Variants in RALGAPB observed in about 807,000 individuals in gnomAD.
RALGAPB encodes Ral GTPase activating protein non-catalytic subunit beta.
Under a neutral mutation model 161.1 loss-of-function variants are expected in RALGAPB, and 25 were observed. The observed-to-expected ratio is 0.16, with a 90% CI of 0.11 to 0.22. The LOEUF (loss-of-function observed/expected upper bound fraction) is 0.22, where lower values mean the gene tolerates loss of function less well. RALGAPB is among the 10% of genes least tolerant of loss of function. The pLI, the probability that RALGAPB is intolerant of heterozygous loss-of-function variation, is 1.00. For missense variants in RALGAPB, 1,391 were observed against 1,815.2 expected (o/e 0.77, Z 4.25); for synonymous variants, 629 against 626.1 (o/e 1.00, Z -0.07).
In RALGAPB at chr20:38,481,520, G is replaced by A. The variant is rs546794265; in HGVS notation, c.-30-6883G>A. Among the ~76,000 whole-genome samples the A allele has an allele frequency of 7.9e-5, 12 of 152,268 alleles. No individual in the cohort carries two copies. In the South Asian group the frequency reaches 2.1e-3, roughly 26 times the overall value. On this transcript the variant is annotated intron_variant, in intron 1 of 29. Coordinates refer to ENST00000262879, the MANE Select transcript of RALGAPB (RefSeq NM_020336.4). ...GGTTTTTAAAAAGCCATCAGATCTC[G>A]TGAGATTCATTCGCTGTCATGAGAA... is the stretch of plus-strand genomic sequence containing the variant.
intron 1 of RALGAPB, among the ~76,000 whole-genome samples, chr20:38,474,998 G>A (rs140116530): frequency 0.014 from 2,097 of 152,276 alleles, 23 homozygotes; most frequent in Non-Finnish European, 0.017. Flanking sequence ...TCAGCAATTT[G>A]TCCAGCAGTT....
At chr20:38,511,744 A>G (rs1245388078) in intron 6 of RALGAPB, among the ~76,000 whole-genome samples, 1 of 152,228 alleles carries the variant, frequency 6.6e-6, no homozygotes, top group Non-Finnish European at 1.5e-5. Context: ...CTACACAGAC[A>G]CAGTAACATC....
intron 6 of RALGAPB, among the ~76,000 whole-genome samples, chr20:38,512,820 C>T (rs905224738): frequency 5.9e-5 from 9 of 152,078 alleles, no homozygotes; most frequent in Non-Finnish European, 7.4e-5. Context: ...AGTGCAGTGG[C>T]GCAATCTCTG....
chr20:38,571,236 C>A (rs979879414), intron 28 of RALGAPB, among the ~76,000 whole-genome samples: 15 of 151,940 alleles, frequency 9.9e-5, no homozygotes. Context: ...AACCACTTAA[C>A]ATAAGATCTA....
intron 19 of RALGAPB, chr20:38,547,546 C>T (rs1488651285): frequency 6.6e-6 from 1 of 152,122 alleles, no homozygotes; most frequent in Non-Finnish European, 1.5e-5. Flanking sequence ...GCCTTCTTGC[C>T]TTTGTAAAGG....
chr20:38,565,618 C>T lies in RALGAPB; in HGVS notation c.3817+140C>T, dbSNP rs758798981. 9.0e-5 allele frequency: 91 copies of T among 1,008,232 alleles called. 1 individual carries two copies. The highest frequency in any genetic ancestry group is 1.2e-4 in the Non-Finnish European group (85 of 721,846). The allele number at this position is 1,008,232 out of a possible 1,614,324, so 62.5% of individuals were successfully genotyped here. On this transcript the variant is annotated intron_variant, in intron 25 of 29. Transcript: ENST00000262879. ...AAGGCATTATAACAATATGCAGAAG[C>T]ACAAGATGTCTTCTCTTAACTTTTT...
At chr20:38,493,395 C>T (rs1218097152) in intron 3 of RALGAPB, among the ~76,000 whole-genome samples, 4 of 152,218 alleles carry the variant, frequency 2.6e-5, no homozygotes, top group Non-Finnish European at 5.9e-5. Flanking sequence ...AATACTGTAA[C>T]ATCTTTCCCT....
intron 9 of RALGAPB, among the ~76,000 whole-genome samples, chr20:38,519,973 C>T (rs1335114978): frequency 6.6e-6 from 1 of 152,124 alleles, no homozygotes; most frequent in Non-Finnish European, 1.5e-5. Flanking sequence ...TTTTAATGCA[C>T]GTTATGGGCA....
At chr20:38,554,561 G>A (rs1455434797) in intron 22 of RALGAPB, among the ~76,000 whole-genome samples, 2 of 152,192 alleles carry the variant, frequency 1.3e-5, no homozygotes, top group Admixed American at 1.3e-4. Flanking sequence ...CTGGCTTTAT[G>A]TCCTGGAATC....
chr20:38,525,063 A>C (rs1373351101), intron 11 of RALGAPB, 118 bp downstream of exon 11: 1 of 1,025,020 alleles, frequency 9.8e-7, no homozygotes, highest in Non-Finnish European at 1.5e-6. Flanking sequence ...AAGAGAACTC[A>C]GGCGACATTA....
intron 9 of RALGAPB, among the ~76,000 whole-genome samples, chr20:38,518,235 C>T (rs561973189): frequency 1.4e-4 from 22 of 152,244 alleles, no homozygotes; most frequent in Non-Finnish European, 2.6e-4. Context: ...TTTTATTAGA[C>T]ATACTTAAGG....
chr20:38,551,753 T>G (rs779439678), intron 21 of RALGAPB, among the ~76,000 whole-genome samples: 3 of 151,978 alleles, frequency 2.0e-5, no homozygotes, highest in Non-Finnish European at 2.9e-5. Flanking sequence ...TGGGAAAAAT[T>G]TATTTGGCTT....
chr20:38,509,053 C>T, intron 5 of RALGAPB, 24 bp from the exon 6 acceptor site: 1 of 1,610,272 alleles, frequency 6.2e-7, no homozygotes, highest in Non-Finnish European at 8.5e-7. Flanking sequence ...GAAATGGACT[C>T]AGTGGTGTGC....
chr20:38,521,737 T>G, intron 10 of RALGAPB, 39 bp downstream of exon 10: 1 of 1,602,012 alleles, frequency 6.2e-7, no homozygotes, highest in Non-Finnish European at 8.5e-7. Flanking sequence ...TTATATAGTT[T>G]TGATAGTGAA....
At chr20:38,508,519 A>G (rs2085836455) in intron 5 of RALGAPB, among the ~76,000 whole-genome samples, 1 of 152,146 alleles carries the variant, frequency 6.6e-6, no homozygotes, top group Admixed American at 6.5e-5. Flanking sequence ...TTACTATATA[A>G]AAGATAGGGA....
intron 24 of RALGAPB, among the ~76,000 whole-genome samples, chr20:38,563,996 G>A (rs1338107613): frequency 2.0e-5 from 3 of 152,124 alleles, no homozygotes; most frequent in Non-Finnish European, 4.4e-5. Context: ...GAACTATATG[G>A]CGATTAGACT....
intron 5 of RALGAPB, among the ~76,000 whole-genome samples, chr20:38,503,614 C>A (rs1382666394): frequency 6.6e-6 from 1 of 152,128 alleles, no homozygotes; most frequent in Non-Finnish European, 1.5e-5. Context: ...GTATAGATGC[C>A]ATGAACATTG....
At chr20:38,510,865 G>C (rs1011699072) in intron 6 of RALGAPB, among the ~76,000 whole-genome samples, 10 of 119,420 alleles carry the variant, frequency 8.4e-5, no homozygotes, top group African/African-American at 1.3e-4. Context: ...AGCCGAGATT[G>C]CGCCACTGCA....
In RALGAPB at chr20:38,546,599, T is replaced by C. The variant is rs571425192; in HGVS notation, c.2902+169T>C. The stretch of plus-strand genomic sequence containing the variant: ...AAAATAGGGGGGCAAAAAAATAGAA[T>C]ATACATATTACATAGAGTCTTTTAA... On this transcript the variant is annotated intron_variant, in intron 19 of 29. Transcript: ENST00000262879. The C allele has an allele frequency of 1.2e-5, 9 of 762,794 alleles. No individual in the cohort carries two copies. In the Admixed American group the frequency reaches 1.7e-4, roughly 14 times the overall value. 47.3% of individuals were successfully genotyped at this position (762,794 alleles called of 1,614,324 possible). A position where few individuals can be genotyped will look rare whatever the true frequency, so the allele number is the denominator to read the frequency against.
Sources: allele counts gnomAD v4.1 joint callset (sites outside exome capture counted in the v4.1 genomes callset), GRCh38; gene constraint gnomAD v4.1.1; transcripts MANE v1.5; gene names NCBI Gene and HGNC (gene_info 2026-07-23, HGNC 2026-07-21).